KIAA1217: variants seen among roughly 807,000 people sequenced by gnomAD.
KIAA1217 encodes KIAA1217, also known as sickle tail protein homolog.
In KIAA1217, 88 loss-of-function variants were observed where a neutral mutation model predicts 163.9. The observed-to-expected ratio is 0.54, with a 90% CI of 0.45 to 0.64. The LOEUF (loss-of-function observed/expected upper bound fraction) is 0.64. KIAA1217 is among the 30% of genes least tolerant of loss of function. KIAA1217 has a pLI of 0.00. For missense variants in KIAA1217, 2,372 were observed against 2,475.0 expected (o/e 0.96, Z 0.88); for synonymous variants, 903 against 923.1 (o/e 0.98, Z 0.39).
chr10:24,126,924 T>C (rs575346734), intron 2 of KIAA1217, among the ~76,000 whole-genome samples: 1 of 152,244 alleles, frequency 6.6e-6, no homozygotes, highest in Non-Finnish European at 1.5e-5. Context: ...ACCACACTGC[T>C]CTTAGGTCTC....
intron 2 of KIAA1217, among the ~76,000 whole-genome samples, chr10:24,368,221 C>T (rs1030599126): frequency 2.0e-5 from 3 of 152,082 alleles, no homozygotes; most frequent in Non-Finnish European, 2.9e-5. Context: ...TATTTCCGTG[C>T]GCATGTATTG....
chr10:24,462,014 C>T (rs74421311), intron 5 of KIAA1217, among the ~76,000 whole-genome samples: 3,779 of 151,916 alleles, frequency 0.025, 72 homozygotes, highest in Non-Finnish European at 0.039. Flanking sequence ...ATAAGTAATC[C>T]GGTGCCTGTG....
In KIAA1217 at chr10:24,011,616, G is replaced by A. The variant is rs184258692; in HGVS notation, c.-171+4242G>A. On this transcript the variant is annotated intron_variant, in intron 2 of 18. Coordinates refer to the KIAA1217 transcript ENST00000376462. Reference sequence around the variant, plus strand: ...CATTGCAGAAACCAGATTCAAACAAGTTGTGAGTTTCTCTTGAAGCAAAAG... The same window carrying A: ...CATTGCAGAAACCAGATTCAAACAAATTGTGAGTTTCTCTTGAAGCAAAAG... 4.3e-4 allele frequency among the ~76,000 whole-genome samples: 66 copies of A among 152,272 alleles called. No homozygotes were observed. The South Asian group carries it at 7.5e-3, about 17-fold the overall frequency.
In KIAA1217 at chr10:24,100,065, C is replaced by T. The variant is rs147360878; in HGVS notation, c.-171+92691C>T. Among the ~76,000 whole-genome samples the T allele has an allele frequency of 2.9e-3, 437 of 152,088 alleles. 7 individuals carry two copies. The highest frequency in any genetic ancestry group is 9.7e-4 in the East Asian group (5 of 5,180). On this transcript the variant is annotated intron_variant, in intron 2 of 18. Transcript: ENST00000376462. ...CTTTTCTTTTATTTGTCCTCCTCCT[C>T]CCCTCCCTCTCCTGTCTTCACTATA...
At chr10:23,700,301 A>G (rs1393798812) in intron 1 of KIAA1217, among the ~76,000 whole-genome samples, 1 of 152,004 alleles carries the variant, frequency 6.6e-6, no homozygotes. Context: ...TTATCACCAC[A>G]TCCCTTCCTG....
intron 1 of KIAA1217, among the ~76,000 whole-genome samples, chr10:23,721,385 C>G (rs1837866757): frequency 6.6e-6 from 1 of 152,150 alleles, no homozygotes; most frequent in South Asian, 2.1e-4. Context: ...TGATGGACCC[C>G]ACGCATTGCA....
chr10:24,363,980 C>CTTT lies in KIAA1217; in HGVS notation c.355-16876_355-16874dup, dbSNP rs11413263. ...AAACACTCAACTCTGGTCTCATCCA[C>CTTT]TTTTTTTTTTTTTTTGAGACAGTGT... On this transcript the variant is annotated intron_variant, in intron 2 of 20. Transcript: ENST00000376454. Among the ~76,000 whole-genome samples, 914 of 144,676 alleles carry CTTT rather than the reference C, an allele frequency of 6.3e-3. 20 individuals carry two copies. Among genetic ancestry groups the CTTT allele is most frequent in the African/African-American group, 0.022 (885 of 39,514 alleles). 94.9% of individuals were successfully genotyped at this position (144,676 alleles called of 152,430 possible).
intron 2 of KIAA1217, among the ~76,000 whole-genome samples, chr10:24,075,819 G>C (rs1391780601): frequency 1.3e-5 from 2 of 152,006 alleles, no homozygotes; most frequent in East Asian, 3.9e-4. Flanking sequence ...GGTCAGGCTG[G>C]TCTTGAACTC....
rs574766712 is a variant in KIAA1217, at chr10:24,428,871, A to T, written c.554-4124A>T. Among the ~76,000 whole-genome samples, 34 of 152,178 alleles carry T rather than the reference A, an allele frequency of 2.2e-4. No individual in the cohort carries two copies. The South Asian group carries it at 7.1e-3, about 32-fold the overall frequency. On this transcript the variant is annotated intron_variant, in intron 3 of 20. Coordinates refer to ENST00000376454, the MANE Select transcript of KIAA1217 (RefSeq NM_019590.5). ...CATCTCTTTAAAGATAAAAAAAAAA[A>T]AAAAATCTCTGAGCTCATGAAACTT...
chr10:24,154,884 G>T lies in KIAA1217; in HGVS notation c.-170-64742G>T, dbSNP rs141608798. On this transcript the variant is annotated intron_variant, in intron 2 of 18. Coordinates refer to the KIAA1217 transcript ENST00000376462. Reference sequence around the variant, plus strand: ...AAAGGTTGCAGTGAGCCAAGATTTCGCCACTGCACTCCAGCCTGGGCAACA... The same window carrying T: ...AAAGGTTGCAGTGAGCCAAGATTTCTCCACTGCACTCCAGCCTGGGCAACA... Among the ~76,000 whole-genome samples, 1,263 of 148,182 alleles carry T rather than the reference G, an allele frequency of 8.5e-3. 21 individuals are homozygous for T. The highest frequency in any genetic ancestry group is 0.03 in the African/African-American group (1,184 of 39,722).
chr10:23,730,806 A>T (rs912891661), intron 1 of KIAA1217, among the ~76,000 whole-genome samples: 30 of 152,168 alleles, frequency 2.0e-4, no homozygotes, highest in African/African-American at 7.2e-4. Flanking sequence ...TATTGCTGGT[A>T]TATAGGAAAG....
chr10:23,848,143 A>G (rs1394765407), intron 1 of KIAA1217, among the ~76,000 whole-genome samples: 1 of 152,030 alleles, frequency 6.6e-6, no homozygotes, highest in Non-Finnish European at 1.5e-5. Flanking sequence ...TATGTCGTCA[A>G]TTTTAGAATA....
At chr10:24,209,382 T>C in intron 1 of KIAA1217, 119 bp downstream of exon 1, 1 of 718,578 alleles carries the variant, frequency 1.4e-6, no homozygotes, top group Non-Finnish European at 2.3e-6. Context: ...AAAGGCAATT[T>C]CTTGGGATGG....
intron 1 of KIAA1217, among the ~76,000 whole-genome samples, chr10:23,809,912 A>C (rs1053480409): frequency 6.6e-6 from 1 of 152,026 alleles, no homozygotes; most frequent in Admixed American, 6.6e-5. Context: ...AGCAATAAAC[A>C]TTCAGTAGAA....
chr10:24,318,015 T>C (rs2043622372), intron 2 of KIAA1217, among the ~76,000 whole-genome samples: 3 of 151,846 alleles, frequency 2.0e-5, no homozygotes, highest in Admixed American at 1.3e-4. Context: ...AACATTTAAA[T>C]AGGTAAGTTT....
intron 2 of KIAA1217, among the ~76,000 whole-genome samples, chr10:24,253,737 A>T (rs1438982922): frequency 1.4e-5 from 2 of 142,518 alleles, no homozygotes; most frequent in Non-Finnish European, 3.1e-5. Context: ...GTCTCCAAAG[A>T]AAAAAAAAAA....
At chr10:23,843,528 C>T (rs1838883501) in intron 1 of KIAA1217, among the ~76,000 whole-genome samples, 1 of 152,136 alleles carries the variant, frequency 6.6e-6, no homozygotes. Context: ...TGCTCTTTAA[C>T]ATCTTACCAT....
chr10:24,486,674 A>ATTT (rs2065442745), intron 6 of KIAA1217, among the ~76,000 whole-genome samples: 1 of 152,108 alleles, frequency 6.6e-6, no homozygotes, highest in Non-Finnish European at 1.5e-5. Context: ...CAGACAGCAC[A>ATTT]CATGGCCTGC....
chr10:24,180,346 G>A (rs1407057149), intron 2 of KIAA1217, among the ~76,000 whole-genome samples: 1 of 143,884 alleles, frequency 7.0e-6, no homozygotes, highest in African/African-American at 2.6e-5. Flanking sequence ...GAGTGCAGTG[G>A]CACAATCTCA....
Sources: allele counts gnomAD v4.1 joint callset (sites outside exome capture counted in the v4.1 genomes callset), GRCh38; gene constraint gnomAD v4.1.1; transcripts MANE v1.5; gene names NCBI Gene and HGNC (gene_info 2026-07-23, HGNC 2026-07-21).